Variants in UNC13C observed in about 807,000 individuals in gnomAD.
UNC13C encodes protein unc-13 homolog C.
In UNC13C, 174 loss-of-function variants were observed where a neutral mutation model predicts 245.4. That is an observed-to-expected ratio of 0.71 (90% CI 0.63 to 0.80). The LOEUF (loss-of-function observed/expected upper bound fraction) is 0.80, where lower values mean the gene tolerates loss of function less well. Ranked by LOEUF, UNC13C falls within the 30% of genes least tolerant of loss-of-function variation. The probability of loss-of-function intolerance (pLI) is 0.00; values close to 1 mark genes in which losing one functional copy is unlikely to be tolerated. For missense variants in UNC13C, 2,829 were observed against 2,602.9 expected, an observed-to-expected ratio of 1.09 and a Z score of -1.89; for synonymous variants, 992 against 895.1, an observed-to-expected ratio of 1.11 and a Z score of -1.93.
intron 2 of UNC13C, among the ~76,000 whole-genome samples, chr15:54,059,780 T>C (rs570827199): frequency 2.0e-5 from 3 of 152,034 alleles, no homozygotes; most frequent in African/African-American, 7.2e-5. Flanking sequence ...TATAGACCAA[T>C]GGAACAGAAC....
At chr15:54,098,168 T>TTTTTA (rs959551606) in intron 2 of UNC13C, among the ~76,000 whole-genome samples, 64 of 151,990 alleles carry the variant, frequency 4.2e-4, no homozygotes, top group Admixed American at 2.4e-3. Context: ...CTCTATAGCG[T>TTTTTA]TTTTATTTTA....
chr15:54,314,418 A>G (rs1567180418), intron 13 of UNC13C, among the ~76,000 whole-genome samples: 1 of 143,074 alleles, frequency 7.0e-6, no homozygotes, highest in Non-Finnish European at 1.5e-5. Context: ...TAAACATGTA[A>G]TTTTTATTTG....
intron 4 of UNC13C, among the ~76,000 whole-genome samples, chr15:54,189,230 C>T (rs1482928113): frequency 1.3e-5 from 2 of 152,146 alleles, no homozygotes; most frequent in African/African-American, 2.4e-5. Context: ...AAAAGTGGTT[C>T]ATAAAATTCT....
At chr15:54,129,402 T>G (rs2031268299) in intron 2 of UNC13C, among the ~76,000 whole-genome samples, 1 of 152,200 alleles carries the variant, frequency 6.6e-6, no homozygotes, top group Non-Finnish European at 1.5e-5. Flanking sequence ...ATTAATTAGG[T>G]GCATATCTTT....
the UNC13C span, among the ~76,000 whole-genome samples, chr15:53,886,553 C>T: frequency 6.6e-6 from 1 of 152,082 alleles, no homozygotes. Context: ...GAAAAATCTC[C>T]CGCACAGAGG....
intron 2 of UNC13C, among the ~76,000 whole-genome samples, chr15:54,142,380 T>G (rs1300958131): frequency 1.3e-5 from 2 of 152,228 alleles, no homozygotes; most frequent in Non-Finnish European, 2.9e-5. Flanking sequence ...TGGATTTGTG[T>G]CCCTCTTCTG....
the UNC13C span, among the ~76,000 whole-genome samples, chr15:53,858,796 A>G: frequency 6.6e-6 from 1 of 152,154 alleles, no homozygotes; most frequent in African/African-American, 2.4e-5. Context: ...CTTAAATTTT[A>G]TAAGTATAAA....
rs1045736314 is a variant in UNC13C, at chr15:54,142,993, C to A, written c.2984-25C>A. 4 of 1,608,138 alleles carry A rather than the reference C, an allele frequency of 2.5e-6. No individual in the cohort carries two copies. The African/African-American group carries it at 5.3e-5, about 22-fold the overall frequency. On this transcript the variant is annotated intron_variant, in intron 2 of 32. Transcript: ENST00000260323. ...AAAAGTACTCCATCTAACATTTATC[C>A]CTTCTTTTCCTGATTCTCTTTCAGA...
At chr15:54,086,822 G>C (rs1041526111) in intron 2 of UNC13C, among the ~76,000 whole-genome samples, 12 of 133,428 alleles carry the variant, frequency 9.0e-5, no homozygotes, top group African/African-American at 3.3e-4. Flanking sequence ...TGCAGCCTCC[G>C]CCCTCCAAGT....
intron 19 of UNC13C, among the ~76,000 whole-genome samples, chr15:54,483,872 C>A (rs577167846): frequency 6.6e-6 from 1 of 152,164 alleles, no homozygotes; most frequent in East Asian, 1.9e-4. Flanking sequence ...TTCTTTGTCT[C>A]CCTCTCACCT....
chr15:54,294,081 T>A lies in UNC13C; in HGVS notation c.3988+17T>A. The A allele has an allele frequency of 2.7e-6, 4 of 1,489,856 alleles. No homozygotes were observed. Among genetic ancestry groups the A allele is most frequent in the Non-Finnish European group, 2.7e-6 (3 of 1,123,896 alleles). The allele number at this position is 1,489,856 out of a possible 1,614,324, so 92.3% of individuals were successfully genotyped here. A position where few individuals can be genotyped will look rare whatever the true frequency, so the allele number is the denominator to read the frequency against. ...ACAACTTAGGTGATTTTTTTTTTTA[T>A]CTACTTGAAAACGAGTTAAATAAAA... On this transcript the variant is annotated intron_variant, in intron 11 of 32. Transcript: ENST00000260323.
intron 4 of UNC13C, among the ~76,000 whole-genome samples, chr15:54,194,196 G>A (rs557275693): frequency 6.6e-6 from 1 of 152,202 alleles, no homozygotes; most frequent in Admixed American, 6.6e-5. Context: ...CAAGTTAGAC[G>A]GGGTGATAGT....
chr15:54,333,184 T>C (rs200123008), intron 15 of UNC13C, among the ~76,000 whole-genome samples: 1 of 152,096 alleles, frequency 6.6e-6, no homozygotes, highest in East Asian at 1.9e-4. Flanking sequence ...AAACATTTTA[T>C]CATTATAACT....
chr15:53,869,673 G>A, the UNC13C span, among the ~76,000 whole-genome samples: 5 of 152,206 alleles, frequency 3.3e-5, no homozygotes, highest in African/African-American at 1.2e-4. Context: ...GTCTGGCTAA[G>A]GGTCTGAGCC....
Position 54,627,419 on chromosome 15 carries a change from G to A in UNC13C, c.*306G>A, listed in dbSNP as rs1402737014. The A allele has an allele frequency of 2.0e-5, 4 of 204,772 alleles. No individual in the cohort carries two copies. The highest frequency in any genetic ancestry group is 9.2e-5 in the African/African-American group (4 of 43,292). The allele number at this position is 204,772 out of a possible 1,614,324, so 12.7% of individuals were successfully genotyped here. A position where few individuals can be genotyped will look rare whatever the true frequency, so the allele number is the denominator to read the frequency against. ...TAATTTTTAAAAACTAGTCTTTTGA[G>A]TTTGCCCATCAGTTGTCTTTGTTAA... On this transcript the variant is annotated 3_prime_UTR_variant, in exon 33 of 33. Coordinates refer to ENST00000260323, the MANE Select transcript of UNC13C (RefSeq NM_001080534.3).
intron 4 of UNC13C, among the ~76,000 whole-genome samples, chr15:54,207,130 G>GGTGA (rs1567097820): frequency 0.03 from 4,473 of 150,500 alleles, 214 homozygotes; most frequent in African/African-American, 0.11. Flanking sequence ...GATGATGATG[G>GGTGA]TGATGATGAT....
At chr15:53,943,108 T>G in the UNC13C span, among the ~76,000 whole-genome samples, 559 of 152,320 alleles carry the variant, frequency 3.7e-3, 8 homozygotes, top group African/African-American at 0.013. Context: ...ATATAGATAT[T>G]AGAGATCTAA....
chr15:54,054,755 C>T lies in UNC13C; in HGVS notation c.2983+38869C>T. ...CCTGTATTTTCTGTCTATACCCTGC[C>T]AAGTAAATGAGAGCCCAAATGACAT... is the stretch of plus-strand genomic sequence containing the variant. On this transcript the variant is annotated intron_variant, in intron 2 of 32. Coordinates refer to ENST00000260323, the MANE Select transcript of UNC13C (RefSeq NM_001080534.3). 1.3e-5 allele frequency among the ~76,000 whole-genome samples: 2 copies of T among 152,234 alleles called. 1 individual carries two copies. The highest frequency in any genetic ancestry group is 2.9e-5 in the Non-Finnish European group (2 of 68,016).
the UNC13C span, among the ~76,000 whole-genome samples, chr15:53,968,661 A>G: frequency 6.6e-6 from 1 of 152,154 alleles, no homozygotes; most frequent in African/African-American, 2.4e-5. Flanking sequence ...CTCTCCATGA[A>G]AAAATAGGAG....
Sources: gnomAD v4.1 joint callset for allele counts (sites outside exome capture counted in the v4.1 genomes callset) on GRCh38, gnomAD v4.1.1 for gene constraint, MANE v1.5 for transcripts, NCBI Gene and HGNC (gene_info 2026-07-23, HGNC 2026-07-21) for gene names.